The following ANAPC10 variants were observed in gnomAD, a reference collection of about 807,000 sequenced individuals.
The protein encoded by ANAPC10 is anaphase promoting complex subunit 10.
Under a neutral mutation model 22.0 loss-of-function variants are expected in ANAPC10, and 12 were observed. The ratio of observed to expected loss-of-function variants is 0.55; its 90% confidence interval spans 0.35 to 0.88. The LOEUF (loss-of-function observed/expected upper bound fraction) is 0.88, where lower values mean the gene tolerates loss of function less well. Ranked by LOEUF, ANAPC10 falls within the 40% of genes least tolerant of loss-of-function variation. ANAPC10 has a pLI of 0.01. For missense variants in ANAPC10, 188 were observed against 220.9 expected (o/e 0.85, Z 0.94); for synonymous variants, 65 against 69.5 (o/e 0.94, Z 0.32).
intron 3 of ANAPC10, among the ~76,000 whole-genome samples, chr4:145,076,157 C>A (rs1399571687): frequency 1.3e-5 from 2 of 152,238 alleles, no homozygotes; most frequent in South Asian, 4.1e-4. Flanking sequence ...CATTTGCCCA[C>A]AGACTTCCCC....
chr4:145,010,069 A>G (rs1443524452), intron 4 of ANAPC10, among the ~76,000 whole-genome samples: 1 of 152,222 alleles, frequency 6.6e-6, no homozygotes, highest in South Asian at 2.1e-4. Flanking sequence ...GACACATGAA[A>G]AAATGCTCAT....
At chr4:145,052,203 G>A (rs963766650) in intron 4 of ANAPC10, among the ~76,000 whole-genome samples, 3 of 152,104 alleles carry the variant, frequency 2.0e-5, no homozygotes, top group Admixed American at 6.5e-5. Context: ...ATCACTATGA[G>A]TACAATTAAT....
At chr4:145,067,336 T>G (rs1211994330) in intron 3 of ANAPC10, among the ~76,000 whole-genome samples, 4 of 152,140 alleles carry the variant, frequency 2.6e-5, no homozygotes, top group Non-Finnish European at 4.4e-5. Context: ...GGCATCGTGC[T>G]ATATTCGTAG....
At chr4:145,066,209 G>A (rs1298384691) in intron 3 of ANAPC10, among the ~76,000 whole-genome samples, 1 of 152,088 alleles carries the variant, frequency 6.6e-6, no homozygotes, top group Non-Finnish European at 1.5e-5. Context: ...GAAAGGAATA[G>A]GGAAAGTTAA....
intron 4 of ANAPC10, among the ~76,000 whole-genome samples, chr4:145,011,545 G>A (rs1734318644): frequency 6.6e-6 from 1 of 151,926 alleles, no homozygotes; most frequent in Non-Finnish European, 1.5e-5. Flanking sequence ...AGAGCCTCAG[G>A]GAGGTGAATG....
At chr4:145,097,578 CACA>C in intron 1 of ANAPC10, 1 of 1,273,210 alleles carries the variant, frequency 7.9e-7, no homozygotes, top group Non-Finnish European at 1.0e-6. Flanking sequence ...TAACGGCAGA[CACA>C]ACGGACTGTA....
At chr4:145,071,270 G>A (rs1259711083) in intron 3 of ANAPC10, among the ~76,000 whole-genome samples, 1 of 152,170 alleles carries the variant, frequency 6.6e-6, no homozygotes, top group Non-Finnish European at 1.5e-5. Context: ...GCCAGGCGTG[G>A]TGATGCATGC....
intron 4 of ANAPC10, among the ~76,000 whole-genome samples, chr4:145,054,634 TGTGTGTGCGCGCGC>T (rs1444599029): frequency 0.012 from 1,227 of 101,412 alleles, 16 homozygotes; most frequent in African/African-American, 0.047. Flanking sequence ...TGTGTGTGTG[TGTGTGTGCGCGCGC>T]GCGCGCGTGC....
chr4:145,078,847 C>G (rs185426562), intron 3 of ANAPC10, among the ~76,000 whole-genome samples: 11 of 152,160 alleles, frequency 7.2e-5, no homozygotes, highest in African/African-American at 2.2e-4. Flanking sequence ...AAATCAGACC[C>G]CTCCCTTTCA....
At chr4:145,061,208 T>C (rs1236606036) in intron 4 of ANAPC10, among the ~76,000 whole-genome samples, 1 of 152,152 alleles carries the variant, frequency 6.6e-6, no homozygotes, top group Non-Finnish European at 1.5e-5. Flanking sequence ...TTTTTCTATA[T>C]GGCTAATGTT....
chr4:145,053,872 A>G, intron 4 of ANAPC10: 1 of 516,454 alleles, frequency 1.9e-6, no homozygotes, highest in Non-Finnish European at 3.4e-6. Context: ...AGTTTCAGCA[A>G]GATTTACTGC....
intron 2 of ANAPC10, among the ~76,000 whole-genome samples, chr4:145,085,715 TTA>T (rs1361085714): frequency 1.3e-5 from 2 of 152,144 alleles, no homozygotes; most frequent in South Asian, 4.1e-4. Flanking sequence ...GTCTAAATCT[TTA>T]TGTCTGAAAT....
chr4:145,085,859 T>A (rs977512160), intron 2 of ANAPC10, among the ~76,000 whole-genome samples: 2 of 151,766 alleles, frequency 1.3e-5, no homozygotes, highest in Admixed American at 6.6e-5. Flanking sequence ...GTATTTGAAT[T>A]TTTTTTCTTT....
chr4:145,040,323 T>C (rs1739326780), intron 4 of ANAPC10, among the ~76,000 whole-genome samples: 1 of 152,136 alleles, frequency 6.6e-6, no homozygotes, highest in Non-Finnish European at 1.5e-5. Context: ...TAATTTTGTA[T>C]TGTTAATAGA....
At chr4:145,022,220 C>T (rs1736062232) in intron 4 of ANAPC10, among the ~76,000 whole-genome samples, 1 of 152,080 alleles carries the variant, frequency 6.6e-6, no homozygotes, top group Admixed American at 6.6e-5. Flanking sequence ...TTTATAGCAG[C>T]ACAATTCACA....
At position 145,034,523 on chromosome 4, in the gene ANAPC10, T is replaced by TTATATATA. The variant is rs370113295; in HGVS notation, c.327+30041_327+30048dup. 7.6e-3 allele frequency among the ~76,000 whole-genome samples: 695 copies of TTATATATA among 91,794 alleles called. 8 individuals carry two copies. Among genetic ancestry groups the TTATATATA allele is most frequent in the African/African-American group, 0.029 (479 of 16,576 alleles). The allele number at this position is 91,794 out of a possible 152,430, so 60.2% of individuals were successfully genotyped here. ...AAGTTAACACTTAACAAACTCTCCT[T>TTATATATA]TATATATATATATATATATATGTGT... On this transcript the variant is annotated intron_variant, in intron 4 of 4. Transcript: ENST00000507656.
intron 3 of ANAPC10, 26 bp downstream of exon 3, chr4:145,081,634 G>T: frequency 6.7e-7 from 1 of 1,490,104 alleles, no homozygotes; most frequent in South Asian, 1.2e-5. Flanking sequence ...TACAGTAGAT[G>T]AAAAATTTGA....
At chr4:145,052,141 G>T (rs1022695823) in intron 4 of ANAPC10, among the ~76,000 whole-genome samples, 10 of 152,178 alleles carry the variant, frequency 6.6e-5, no homozygotes, top group African/African-American at 2.2e-4. Flanking sequence ...TTGGTCGAAG[G>T]ACATAAAATT....
intron 1 of ANAPC10, chr4:145,097,588 T>C (rs1748770748): frequency 1.6e-6 from 2 of 1,260,632 alleles, no homozygotes; most frequent in Non-Finnish European, 2.1e-6. Context: ...CACAACGGAC[T>C]GTAAACTTTG....
Sources: gnomAD v4.1 joint callset for allele counts (sites outside exome capture counted in the v4.1 genomes callset) on GRCh38, gnomAD v4.1.1 for gene constraint, MANE v1.5 for transcripts, NCBI Gene and HGNC (gene_info 2026-07-23, HGNC 2026-07-21) for gene names.